The following COL9A3 variants were observed in gnomAD, a reference collection of about 807,000 sequenced individuals.
The protein encoded by COL9A3 is collagen alpha-3(IX) chain.
A neutral mutation model predicts 110.2 loss-of-function variants in COL9A3; 82 were observed. The observed-to-expected ratio is 0.74, with a 90% confidence interval of 0.62 to 0.89. COL9A3 has a LOEUF of 0.89. Among genes scored for constraint, COL9A3 ranks in the 40% least tolerant of loss-of-function variants. The pLI, the probability that COL9A3 is intolerant of heterozygous loss-of-function variation, is 0.00. For synonymous variants in COL9A3, 494 were observed against 403.8 expected, an observed-to-expected ratio of 1.22 and a Z score of -2.68; for missense variants, 1,066 against 981.3, an observed-to-expected ratio of 1.09 and a Z score of -1.15.
chr20:62,821,721 G>A, intron 7 of COL9A3, 36 bp from the exon 8 acceptor site: 3 of 1,596,928 alleles, frequency 1.9e-6, no homozygotes, highest in Non-Finnish European at 1.7e-6. Context: ...GGGCTTCCGG[G>A]TGCAGACCTC....
intron 16 of COL9A3, 135 bp from the exon 17 acceptor site, chr20:62,827,788 C>G (rs1393315546): frequency 1.1e-6 from 1 of 880,770 alleles, no homozygotes; most frequent in African/African-American, 1.6e-5. Context: ...CCCACAGGCC[C>G]CAGGGTGGTG....
intron 14 of COL9A3, 91 bp from the exon 15 acceptor site, chr20:62,826,676 G>A: frequency 7.1e-7 from 1 of 1,417,126 alleles, no homozygotes; most frequent in Non-Finnish European, 9.9e-7. Flanking sequence ...AGGAAGGGCT[G>A]CTTGTGTCTG....
rs761161932 is a variant in COL9A3, at chr20:62,837,199, C to T, written c.1720C>T (p.Pro574Ser). Residue 574 changes from proline to serine, a missense_variant, in exon 30 of 32, where the codon CCT (proline) becomes TCT (serine). Pro to Ser is a moderately conservative substitution (Grantham distance 74). Transcript: ENST00000649368. ...PPGPPGSIGH[P>S]GARGPPGYRG... ...AGGACCCCCAGGCTCCATTGGTCAC[C>T]CTGGCGCTCGAGGACCCCCTGGATA... 1.2e-6 allele frequency: 2 copies of T among 1,612,382 alleles called. No individual in the cohort carries two copies. The highest frequency in any genetic ancestry group is 1.1e-5 in the South Asian group (1 of 91,064).
chr20:62,821,256 T>C (rs2063509965), intron 6 of COL9A3, 40 bp downstream of exon 6: 2 of 1,603,492 alleles, frequency 1.2e-6, no homozygotes, highest in East Asian at 2.2e-5. Context: ...CATGGGAGTT[T>C]GGGGAGCTGG....
At chr20:62,830,274 G>C in intron 22 of COL9A3, 86 bp from the exon 23 acceptor site, 1 of 1,470,098 alleles carries the variant, frequency 6.8e-7, no homozygotes, top group Non-Finnish European at 9.3e-7. Context: ...CCCACTCTGG[G>C]GGAAGGCTGA....
At chr20:62,838,232 T>C (rs1439804642) in intron 30 of COL9A3, among the ~76,000 whole-genome samples, 2 of 152,244 alleles carry the variant, frequency 1.3e-5, no homozygotes, top group African/African-American at 2.4e-5. Context: ...GCGGTTTCAC[T>C]GTGGAACATC....
intron 10 of COL9A3, among the ~76,000 whole-genome samples, chr20:62,823,743 G>C (rs1208237568): frequency 6.6e-6 from 1 of 152,250 alleles, no homozygotes; most frequent in Non-Finnish European, 1.5e-5. Context: ...TGGGCTCACA[G>C]TGCCCCTCCT....
At chr20:62,820,053 G>A (rs1991069089) in intron 5 of COL9A3, 71 bp downstream of exon 5, 3 of 1,542,418 alleles carry the variant, frequency 1.9e-6, no homozygotes, top group Non-Finnish European at 2.7e-6. Flanking sequence ...TGGCTGCTCT[G>A]TGTCCACAAG....
Position 62,828,837 on chromosome 20 carries a change from T to C in COL9A3, c.954+20T>C. On this transcript the variant is annotated intron_variant, in intron 18 of 31. Transcript: ENST00000649368. ...CAGAAGGTTGGCATGGGGCTCAGGG[T>C]GTGACGGGAGGGAGGGGGCTGGAGG... The C allele has an allele frequency of 6.2e-7, 1 of 1,612,694 alleles. No individual in the cohort carries two copies. Among genetic ancestry groups the C allele is most frequent in the Non-Finnish European group, 8.5e-7 (1 of 1,179,958 alleles).
In COL9A3 at chr20:62,829,508, C is replaced by T. The variant is rs1266122083; in HGVS notation, c.1053+9C>T. The T allele has an allele frequency of 4.3e-6, 7 of 1,612,284 alleles. No homozygotes were observed. The highest frequency in any genetic ancestry group is 3.3e-5 in the South Asian group (3 of 91,056). The stretch of plus-strand genomic sequence containing the variant: ...GCGAGAAGGGAGAACGGGTATGTGG[C>T]TGCAGCCGCTTTCTCTCTGGGAGGG... On this transcript the variant is annotated intron_variant, in intron 20 of 31. Transcript: ENST00000649368.
In COL9A3 at chr20:62,840,696, AGGGGTC is replaced by A. The variant is rs2063670830; in HGVS notation, c.2024_2029del (p.Val675_Gly676del). ...CAGCCTGCCAAGGAGCCGTGTTAGG[AGGGGTC>A]GGGGAGAAATCAGGCTCTCGAAGCT... On this transcript the variant is annotated inframe_deletion, in exon 32 of 32. Transcript: ENST00000649368. 1 of 1,594,208 alleles carries A rather than the reference AGGGGTC, an allele frequency of 6.3e-7. No individual in the cohort carries two copies. The highest frequency in any genetic ancestry group is 8.5e-7 in the Non-Finnish European group (1 of 1,170,494).
At chr20:62,819,460 A>G (rs1991048908) in intron 4 of COL9A3, among the ~76,000 whole-genome samples, 167 bp downstream of exon 4, 1 of 152,212 alleles carries the variant, frequency 6.6e-6, no homozygotes, top group South Asian at 2.1e-4. Context: ...TTCATCCCAG[A>G]CGCCACCAGC....
intron 26 of COL9A3, among the ~76,000 whole-genome samples, 199 bp downstream of exon 26, chr20:62,833,263 T>C (rs1403842653): frequency 6.6e-6 from 1 of 152,246 alleles, no homozygotes; most frequent in Non-Finnish European, 1.5e-5. Context: ...GGGCAGGGCC[T>C]GGCAGGGAAA....
rs982698325 is a variant in COL9A3 at position 62,819,434 on chromosome 20, C to T, written c.255+141C>T. ...GAGAGAAGTCTCCAGAAGTCCCCAA[C>T]AGGGGTCCTTTGGCCTTCATCCCAG... is the stretch of plus-strand genomic sequence containing the variant. On this transcript the variant is annotated intron_variant, in intron 4 of 31. Coordinates refer to ENST00000649368, the MANE Select transcript of COL9A3 (RefSeq NM_001853.4). 8 of 820,318 alleles carry T rather than the reference C, an allele frequency of 9.8e-6. No individual in the cohort carries two copies. In the Admixed American group the frequency reaches 1.7e-4, roughly 17 times the overall value. The allele number at this position is 820,318 out of a possible 1,614,324, so 50.8% of individuals were successfully genotyped here.
chr20:62,821,021 TC>T (rs1174116195), intron 5 of COL9A3, among the ~76,000 whole-genome samples, 159 bp from the exon 6 acceptor site: 1 of 152,144 alleles, frequency 6.6e-6, no homozygotes, highest in Admixed American at 6.5e-5. Flanking sequence ...GCAAAGACCC[TC>T]CAGGTCAAGA....
At position 62,836,516 on chromosome 20, in the gene COL9A3, T is replaced by C. The variant is rs1568764673; in HGVS notation, c.1587T>C (p.Cys529=). The part of the protein sequence containing the change: ...EASEQRIREL[C]GGMISEQIAQ... ...GCGAGCAGCGCATCAGGGAGCTGTG[T>C]GGGGGGATGATCAGCGGTAAGTCAG... The change falls in exon 29 of 32, where the codon TGT becomes TGC. Residue 529 remains cysteine, a synonymous_variant. Coordinates refer to ENST00000649368, the MANE Select transcript of COL9A3 (RefSeq NM_001853.4). 1.2e-6 allele frequency: 2 copies of C among 1,612,312 alleles called. No homozygotes were observed. The highest frequency in any genetic ancestry group is 2.7e-5 in the African/African-American group (2 of 74,898).
rs778300099 is a variant in COL9A3, at chr20:62,821,799, C to T, written c.412C>T (p.Arg138Cys). 22 of 1,604,562 alleles carry T rather than the reference C, an allele frequency of 1.4e-5. No individual in the cohort carries two copies. Among genetic ancestry groups the T allele is most frequent in the South Asian group, 3.3e-5 (3 of 90,362 alleles). The change falls in exon 8 of 32, where the codon CGC becomes TGC. Residue 138 changes from arginine to cysteine, a missense_variant. Physicochemically the swap from Arg to Cys is radical, Grantham distance 180. Coordinates refer to ENST00000649368, the MANE Select transcript of COL9A3 (RefSeq NM_001853.4). ...VSGPPGGIGL[R>C]GPPGPSGLPG... The stretch of plus-strand genomic sequence containing the variant: ...CGGCCCCCCAGGTGGGATCGGCCTC[C>T]GCGGCCCCCCGGTGAGTGGCTGTCC...
At chr20:62,832,756 C>G in intron 25 of COL9A3, 4 of 279,188 alleles carry the variant, frequency 1.4e-5, no homozygotes, top group Non-Finnish European at 2.3e-5. Context: ...CTGCAGCCAT[C>G]GAACCCCCAC....
At chr20:62,840,491 C>T in intron 31 of COL9A3, 51 bp from the exon 32 acceptor site, 1 of 1,544,244 alleles carries the variant, frequency 6.5e-7, no homozygotes, top group Non-Finnish European at 8.9e-7. Context: ...TCAAGTCCCC[C>T]TGCTTTCAGT....
Sources: allele counts gnomAD v4.1 joint callset (sites outside exome capture counted in the v4.1 genomes callset), GRCh38; gene constraint gnomAD v4.1.1; transcripts MANE v1.5; gene names NCBI Gene and HGNC (gene_info 2026-07-23, HGNC 2026-07-21).